SNX18: variants seen among roughly 807,000 people sequenced by gnomAD.
SNX18 encodes the protein sorting nexin-18.
A neutral mutation model predicts 48.7 loss-of-function variants in SNX18; 35 were observed. The observed-to-expected ratio is 0.72, with a 90% confidence interval of 0.55 to 0.95. The LOEUF is 0.95. SNX18 is among the 40% of genes least tolerant of loss of function. The pLI, the probability that SNX18 is intolerant of heterozygous loss-of-function variation, is 0.00. For missense variants in SNX18, 824 were observed against 871.0 expected (o/e 0.95, Z 0.68); for synonymous variants, 492 against 384.7 (o/e 1.28, Z -3.26).
chr5:54,586,393 A>C, the SNX18 span, among the ~76,000 whole-genome samples: 1 of 152,180 alleles, frequency 6.6e-6, no homozygotes, highest in Non-Finnish European at 1.5e-5. Flanking sequence ...GGGCTATATT[A>C]GTCCATTTTC....
At chr5:54,645,165 G>C in the SNX18 span, 1 of 152,152 alleles carries the variant, frequency 6.6e-6, no homozygotes, top group Non-Finnish European at 1.5e-5. Context: ...CTAAAACATG[G>C]TAAGAATGAT....
intron 1 of SNX18, chr5:54,519,828 C>CTA (rs776387919): frequency 1.2e-6 from 2 of 1,600,124 alleles, no homozygotes; most frequent in East Asian, 4.5e-5. Flanking sequence ...GATGACAGTG[C>CTA]TATCATTTTA....
Position 54,519,229 on chromosome 5 carries a change from G to A in SNX18, c.1277G>A (p.Ser426Asn), listed in dbSNP as rs2112833448. Residue 426 changes from serine to asparagine, a missense_variant, in exon 1 of 2, where the codon AGC becomes AAC. By Grantham distance (46) the Ser-to-Asn change is conservative. This residue lies in a region of SNX18 where 443 missense variants were observed against 503.6 expected (regional missense o/e 0.88). Coordinates refer to ENST00000381410, the MANE Select transcript of SNX18 (RefSeq NM_001102575.2). ...GCCCTTGACCTGCAGGAGGTGGAGA[G>A]CAAGATCGACGGCTTCAAGTGCTTC... is the stretch of plus-strand genomic sequence containing the variant. Reference protein sequence around the residue: ...AAALDLQEVESKIDGFKCFTK... With the variant: ...AAALDLQEVENKIDGFKCFTK... 6.2e-7 allele frequency: 1 copy of A among 1,614,158 alleles called. No homozygotes were observed.
intron 1 of SNX18, among the ~76,000 whole-genome samples, chr5:54,540,551 A>G (rs1158163175): frequency 6.7e-6 from 1 of 149,520 alleles, no homozygotes; most frequent in Non-Finnish European, 1.5e-5. Context: ...GTTGTTACGG[A>G]TGGACATCTG....
chr5:54,595,887 G>A, the SNX18 span, among the ~76,000 whole-genome samples: 1 of 152,160 alleles, frequency 6.6e-6, no homozygotes, highest in African/African-American at 2.4e-5. Context: ...CCAGGCATGT[G>A]ACTGCATCAT....
At chr5:54,563,612 G>A in the SNX18 span, among the ~76,000 whole-genome samples, 1 of 152,180 alleles carries the variant, frequency 6.6e-6, no homozygotes, top group African/African-American at 2.4e-5. Context: ...TGTTCCTGTT[G>A]TGAAATGACA....
the SNX18 span, among the ~76,000 whole-genome samples, chr5:54,609,238 A>ATTTAGAAC: frequency 6.6e-6 from 1 of 152,146 alleles, no homozygotes; most frequent in African/African-American, 2.4e-5. Context: ...TTTTAATTAT[A>ATTTAGAAC]TTTAATTTTA....
the SNX18 span, among the ~76,000 whole-genome samples, chr5:54,610,582 A>G: frequency 3.9e-5 from 6 of 152,362 alleles, no homozygotes; most frequent in Admixed American, 2.0e-4. Context: ...ATAATCAGGC[A>G]AATAACCTGA....
chr5:54,527,445 C>A (rs759887736), intron 1 of SNX18, among the ~76,000 whole-genome samples: 1 of 152,170 alleles, frequency 6.6e-6, no homozygotes, highest in East Asian at 1.9e-4. Context: ...ATGTGACATG[C>A]AAGAGAAAGG....
At chr5:54,539,605 G>C (rs774261186) in intron 1 of SNX18, among the ~76,000 whole-genome samples, 3 of 152,098 alleles carry the variant, frequency 2.0e-5, no homozygotes, top group East Asian at 1.9e-4. Context: ...TTCACTTTGC[G>C]TCAGGGTAGT....
At chr5:54,587,572 T>G in the SNX18 span, among the ~76,000 whole-genome samples, 8 of 152,208 alleles carry the variant, frequency 5.3e-5, no homozygotes, top group Non-Finnish European at 1.2e-4. Context: ...GCCCAATTAC[T>G]TGCACCTGCA....
the SNX18 span, among the ~76,000 whole-genome samples, chr5:54,561,831 G>A: frequency 6.6e-6 from 1 of 152,132 alleles, no homozygotes. Flanking sequence ...TTTAAATAGA[G>A]CTTGTATGTC....
chr5:54,568,874 G>C, the SNX18 span, among the ~76,000 whole-genome samples: 4 of 110,604 alleles, frequency 3.6e-5, no homozygotes, highest in African/African-American at 1.4e-4. Flanking sequence ...ACAGGGTCTT[G>C]CTCTGTCTCC....
the SNX18 span, among the ~76,000 whole-genome samples, chr5:54,636,081 G>C: frequency 8.5e-5 from 13 of 152,128 alleles, no homozygotes; most frequent in Admixed American, 8.5e-4. Context: ...TAGGAGAAAG[G>C]CTTAGCTGGG....
chr5:54,570,530 C>T, the SNX18 span, among the ~76,000 whole-genome samples: 1 of 152,128 alleles, frequency 6.6e-6, no homozygotes, highest in Non-Finnish European at 1.5e-5. Context: ...CTTAAATAGG[C>T]CTAAGACACG....
chr5:54,605,436 T>G, the SNX18 span, among the ~76,000 whole-genome samples: 3 of 152,182 alleles, frequency 2.0e-5, no homozygotes, highest in Admixed American at 2.0e-4. Flanking sequence ...AGTAGTGTGT[T>G]ACGTACCAGG....
Position 54,517,766 on chromosome 5 carries a change from G to A in SNX18, c.-187G>A, listed in dbSNP as rs1176493529. ...GCGGCGGCCCAGCGCGGCAGTCGGCGCTGCGAAGTGGAGGCGCTGCGAGCG... is the reference window on the plus strand; with the variant it reads ...GCGGCGGCCCAGCGCGGCAGTCGGCACTGCGAAGTGGAGGCGCTGCGAGCG... On this transcript the variant is annotated 5_prime_UTR_variant, in exon 1 of 2. Coordinates refer to ENST00000381410, the MANE Select transcript of SNX18 (RefSeq NM_001102575.2). The A allele has an allele frequency of 3.6e-5, 15 of 416,468 alleles. No individual in the cohort carries two copies. In the East Asian group the frequency reaches 7.3e-4, roughly 20 times the overall value. The allele number at this position is 416,468 out of a possible 1,614,324, so 25.8% of individuals were successfully genotyped here.
chr5:54,553,452 CTCTGTAT>C, the SNX18 span, among the ~76,000 whole-genome samples: 1 of 152,154 alleles, frequency 6.6e-6, no homozygotes, highest in Non-Finnish European at 1.5e-5. Context: ...CAGGTCCCTC[CTCTGTAT>C]TCTGTGCGTC....
chr5:54,596,902 G>T, the SNX18 span, among the ~76,000 whole-genome samples: 1 of 152,078 alleles, frequency 6.6e-6, no homozygotes, highest in East Asian at 1.9e-4. Flanking sequence ...GACCAGAGAG[G>T]TCTCTCGACC....
Sources: allele counts gnomAD v4.1 joint callset (sites outside exome capture counted in the v4.1 genomes callset), GRCh38; gene constraint gnomAD v4.1.1; regional missense constraint gnomAD v4.1.1; transcripts MANE v1.5; gene names NCBI Gene and HGNC (gene_info 2026-07-23, HGNC 2026-07-21).